The following GSS variants were observed in gnomAD, a reference collection of about 807,000 sequenced individuals.
The protein encoded by GSS is GSH synthetase.
Under a neutral mutation model 60.4 loss-of-function variants are expected in GSS, and 34 were observed. That is an observed-to-expected ratio of 0.56 (90% confidence interval 0.43 to 0.75). The LOEUF (loss-of-function observed/expected upper bound fraction) is 0.75, where lower values mean the gene tolerates loss of function less well. Ranked by LOEUF, GSS falls within the 30% of genes least tolerant of loss-of-function variation. The probability of loss-of-function intolerance (pLI) is 0.00; values close to 1 mark genes in which losing one functional copy is unlikely to be tolerated. For missense variants in GSS, 499 were observed against 595.1 expected, an observed-to-expected ratio of 0.84 and a Z score of 1.68; for synonymous variants, 224 against 239.0, an observed-to-expected ratio of 0.94 and a Z score of 0.58.
Position 34,928,905 on chromosome 20 carries a change from G to C in GSS, c.1348C>G (p.Arg450Gly). The stretch of plus-strand genomic sequence containing the variant: ...TCTGCATGCTCGATGGCTTTGGTTC[G>C]AAGTAGATGCCCCACGTGCTTGTTC... Reference protein sequence around the residue: ...VMNKHVGHLLRTKAIEHADGG... With the variant: ...VMNKHVGHLLGTKAIEHADGG... The change falls in exon 13 of 13, where the codon CGA becomes GGA. Residue 450 changes from arginine (R) to glycine (G), a missense_variant. Arg to Gly is a moderately radical substitution (Grantham distance 125). Transcript: ENST00000651619. 1 of 1,613,842 alleles carries C rather than the reference G, an allele frequency of 6.2e-7. No individual in the cohort carries two copies. Among genetic ancestry groups the C allele is most frequent in the Non-Finnish European group, 8.5e-7 (1 of 1,179,998 alleles).
chr20:34,936,667 CA>C lies in GSS; in HGVS notation c.767+95del. On this transcript the variant is annotated intron_variant, in intron 8 of 12. Transcript: ENST00000651619. ...GGAATTATGAGAGAAGGAAGCAAGC[CA>C]TCACATCTCCCAGAAGAAAGAATCA... 5.3e-6 allele frequency: 5 copies of C among 938,208 alleles called. No homozygotes were observed. In the South Asian group the frequency reaches 6.4e-5, roughly 12 times the overall value. The allele number at this position is 938,208 out of a possible 1,614,324, so 58.1% of individuals were successfully genotyped here.
At position 34,935,572 on chromosome 20, in the gene GSS, C is replaced by G. The variant is rs201359061; in HGVS notation, c.834+4G>C. 6.7e-5 allele frequency: 108 copies of G among 1,605,592 alleles called. 2 individuals carry two copies. In the Middle Eastern group the frequency reaches 8.4e-4, roughly 12 times the overall value. The stretch of plus-strand genomic sequence containing the variant: ...CAAAGAATGGTCTCACAGAAAATAC[C>G]AACCTGTAGACTGTACTGACGAGGC... On this transcript the variant is annotated splice_donor_region_variant and intron_variant, in intron 9 of 12. Transcript: ENST00000651619.
At chr20:34,935,929 G>A (rs2081437742) in intron 8 of GSS, among the ~76,000 whole-genome samples, 1 of 152,188 alleles carries the variant, frequency 6.6e-6, no homozygotes, top group South Asian at 2.1e-4. Flanking sequence ...ATCAAATTTG[G>A]TAAATGCATA....
At chr20:34,932,209 G>A (rs1272517251) in intron 9 of GSS, 76 bp from the exon 10 acceptor site, 7 of 1,111,262 alleles carry the variant, frequency 6.3e-6, no homozygotes, top group South Asian at 1.2e-5. Flanking sequence ...CCATCCATTA[G>A]GTGCCAGGTA....
chr20:34,940,628 C>G (rs1341967161), intron 6 of GSS, among the ~76,000 whole-genome samples: 4 of 152,136 alleles, frequency 2.6e-5, no homozygotes, highest in Non-Finnish European at 5.9e-5. Context: ...CCTCAGAGAG[C>G]TTATTATGAG....
chr20:34,952,019 TAAC>T, intron 1 of GSS, 159 bp from the exon 2 acceptor site: 1 of 710,840 alleles, frequency 1.4e-6, no homozygotes, highest in Admixed American at 2.1e-5. Context: ...TTCTAGCTCT[TAAC>T]AACTTCCATG....
chr20:34,947,190 C>A (rs963520101), intron 2 of GSS, among the ~76,000 whole-genome samples: 3 of 151,964 alleles, frequency 2.0e-5, no homozygotes, highest in African/African-American at 7.3e-5. Context: ...TGGGTTCAAG[C>A]AATTCTCCTG....
At chr20:34,949,956 G>T (rs994132916) in intron 2 of GSS, 1 of 143,138 alleles carries the variant, frequency 7.0e-6, no homozygotes, top group African/African-American at 2.5e-5. Context: ...CAATGGCCCG[G>T]CATAGAGCAG....
At chr20:34,934,606 C>G (rs1167526750) in intron 9 of GSS, among the ~76,000 whole-genome samples, 1 of 152,100 alleles carries the variant, frequency 6.6e-6, no homozygotes, top group Admixed American at 6.6e-5. Flanking sequence ...GACAGTTTAT[C>G]TCTCCTGTAG....
chr20:34,931,017 G>A (rs569628770), intron 11 of GSS, among the ~76,000 whole-genome samples: 8 of 152,190 alleles, frequency 5.3e-5, no homozygotes, highest in South Asian at 2.1e-4. Flanking sequence ...CTGACCTCAA[G>A]GAGTTTCAAA....
intron 2 of GSS, among the ~76,000 whole-genome samples, chr20:34,950,411 G>A (rs35416056): frequency 0.035 from 5,311 of 152,018 alleles, 131 homozygotes; most frequent in Non-Finnish European, 0.054. Flanking sequence ...AAGAGATGTT[G>A]GCAGCTCTTT....
rs934434541 is a variant in GSS, at chr20:34,928,457, AAGGCAG to A, written c.*365_*370del. ...CTGAATCAGCAATGCAGTTTTATTT[AAGGCAG>A]AATTAGGGAAAGGCTATGCCCCTCC... is the stretch of plus-strand genomic sequence containing the variant. On this transcript the variant is annotated 3_prime_UTR_variant, in exon 13 of 13. Coordinates refer to ENST00000651619, the MANE Select transcript of GSS (RefSeq NM_000178.4). 2.9e-6 allele frequency: 1 copy of A among 350,390 alleles called. No individual in the cohort carries two copies. Among genetic ancestry groups the A allele is most frequent in the African/African-American group, 2.1e-5 (1 of 47,908 alleles). 21.7% of individuals were successfully genotyped at this position (350,390 alleles called of 1,614,324 possible). A position where few individuals can be genotyped will look rare whatever the true frequency, so the allele number is the denominator to read the frequency against.
At chr20:34,938,952 G>C (rs368834064) in intron 6 of GSS, among the ~76,000 whole-genome samples, 37 of 152,222 alleles carry the variant, frequency 2.4e-4, no homozygotes, top group African/African-American at 8.9e-4. Context: ...TAAAATAAGA[G>C]TGTTATGGCT....
At chr20:34,954,644 A>G (rs372115089) in intron 1 of GSS, 7 of 153,612 alleles carry the variant, frequency 4.6e-5, no homozygotes, top group Non-Finnish European at 7.4e-5. Flanking sequence ...TACAGCCTCA[A>G]CCCTCCCTTG....
chr20:34,931,817 C>G, intron 10 of GSS, 122 bp downstream of exon 10: 1 of 897,478 alleles, frequency 1.1e-6, no homozygotes, highest in South Asian at 1.5e-5. Context: ...CAGAGCATCA[C>G]CAACCTTGCC....
At chr20:34,938,240 T>C (rs751778569) in intron 6 of GSS, among the ~76,000 whole-genome samples, 8 of 152,200 alleles carry the variant, frequency 5.3e-5, no homozygotes, top group Non-Finnish European at 8.8e-5. Context: ...GGCTTTGGCT[T>C]AGGATTCTAA....
intron 2 of GSS, among the ~76,000 whole-genome samples, chr20:34,946,353 A>G (rs556810675): frequency 6.6e-6 from 1 of 152,180 alleles, no homozygotes; most frequent in African/African-American, 2.4e-5. Flanking sequence ...GAAACCCACA[A>G]GTTATTGAGC....
At chr20:34,928,993 G>A in intron 12 of GSS, 42 bp from the exon 13 acceptor site, 1 of 1,611,916 alleles carries the variant, frequency 6.2e-7, no homozygotes, top group African/African-American at 1.3e-5. Flanking sequence ...CCTGGACTCA[G>A]CCCCAAACCC....
At chr20:34,954,897 T>C (rs947607461) in intron 1 of GSS, 1 of 153,584 alleles carries the variant, frequency 6.5e-6, no homozygotes, top group African/African-American at 2.4e-5. Flanking sequence ...CCTAAGTATA[T>C]AGTACTTTGA....
Sources: gnomAD v4.1 joint callset for allele counts (sites outside exome capture counted in the v4.1 genomes callset) on GRCh38, gnomAD v4.1.1 for gene constraint, MANE v1.5 for transcripts, NCBI Gene and HGNC (gene_info 2026-07-23, HGNC 2026-07-21) for gene names.